The following PHF21B variants were observed in gnomAD, a reference collection of about 807,000 sequenced individuals.
The protein encoded by PHF21B is PHD finger protein 4.
Under a neutral mutation model 62.2 loss-of-function variants are expected in PHF21B, and 22 were observed. The observed-to-expected ratio is 0.35, with a 90% CI of 0.25 to 0.51. The LOEUF is 0.51. PHF21B is among the 20% of genes least tolerant of loss of function. The pLI, the probability that PHF21B is intolerant of heterozygous loss-of-function variation, is 0.97. For missense variants in PHF21B, 701 were observed against 707.9 expected (o/e 0.99, Z 0.11); for synonymous variants, 341 against 314.7 (o/e 1.08, Z -0.88).
intron 5 of PHF21B, among the ~76,000 whole-genome samples, chr22:44,912,706 T>C (rs2071363491): frequency 1.3e-5 from 2 of 151,798 alleles, no homozygotes; most frequent in African/African-American, 4.8e-5. Context: ...TAATACACCC[T>C]GTCTCTACAA....
chr22:44,893,256 C>T (rs1252558406), intron 7 of PHF21B, among the ~76,000 whole-genome samples: 1 of 152,246 alleles, frequency 6.6e-6, no homozygotes, highest in South Asian at 2.1e-4. Flanking sequence ...ATCTCCTCTT[C>T]CGCATCTTCC....
At chr22:44,943,522 C>G (rs559342072) in intron 2 of PHF21B, among the ~76,000 whole-genome samples, 2 of 152,304 alleles carry the variant, frequency 1.3e-5, no homozygotes, top group African/African-American at 4.8e-5. Context: ...TCAGCTACAT[C>G]TCCGTCTCCT....
intron 2 of PHF21B, among the ~76,000 whole-genome samples, chr22:44,942,931 G>T (rs2071987623): frequency 6.6e-6 from 1 of 152,052 alleles, no homozygotes; most frequent in Non-Finnish European, 1.5e-5. Context: ...GAAGAAAGGG[G>T]GATTCAGAGC....
At chr22:44,989,135 T>C (rs2073002007) in intron 2 of PHF21B, 3 of 152,152 alleles carry the variant, frequency 2.0e-5, no homozygotes, top group Admixed American at 6.5e-5. Context: ...CCGCAGCCCA[T>C]GGCAGGCTGG....
chr22:45,005,329 A>G (rs894172347), intron 2 of PHF21B, among the ~76,000 whole-genome samples: 7 of 151,896 alleles, frequency 4.6e-5, no homozygotes, highest in Non-Finnish European at 7.4e-5. Context: ...CCTGGCCACA[A>G]CTCATCAGCT....
intron 2 of PHF21B, among the ~76,000 whole-genome samples, chr22:44,990,415 G>A (rs1174098484): frequency 9.2e-6 from 1 of 108,604 alleles, no homozygotes; most frequent in African/African-American, 3.3e-5. Flanking sequence ...CAAGGCAAAC[G>A]TGCATTGACG....
rs139809415 is a variant in PHF21B at position 44,980,481 on chromosome 22, C to T, written c.120+28064G>A. Among the ~76,000 whole-genome samples, 8 of 152,294 alleles carry T rather than the reference C, an allele frequency of 5.3e-5. No individual in the cohort carries two copies. In the East Asian group the frequency reaches 1.5e-3, roughly 29 times the overall value. ...TGCAGACCTTGGAGGCCCAGGGATGCAGCACAGGCCACATCTCAGGGACAG... is the reference window on the plus strand; with the variant it reads ...TGCAGACCTTGGAGGCCCAGGGATGTAGCACAGGCCACATCTCAGGGACAG... On this transcript the variant is annotated intron_variant, in intron 2 of 12. Coordinates refer to ENST00000313237, the MANE Select transcript of PHF21B (RefSeq NM_138415.5).
chr22:44,984,786 T>C (rs2072917364), intron 2 of PHF21B, among the ~76,000 whole-genome samples: 1 of 152,248 alleles, frequency 6.6e-6, no homozygotes, highest in South Asian at 2.1e-4. Context: ...CTATTCCTGT[T>C]ATTTCCTTCC....
chr22:44,917,338 C>T (rs1200350373), intron 3 of PHF21B, among the ~76,000 whole-genome samples: 1 of 152,118 alleles, frequency 6.6e-6, no homozygotes, highest in Non-Finnish European at 1.5e-5. Context: ...AGAAAATGCA[C>T]AGGAAGTGCT....
intron 3 of PHF21B, among the ~76,000 whole-genome samples, chr22:44,919,668 G>C (rs2071499889): frequency 6.6e-6 from 1 of 152,250 alleles, no homozygotes; most frequent in African/African-American, 2.4e-5. Context: ...GGCCCAGTAT[G>C]CTATATACAG....
intron 4 of PHF21B, among the ~76,000 whole-genome samples, chr22:44,914,942 CAAG>C (rs1300550624): frequency 1.3e-5 from 2 of 152,178 alleles, no homozygotes; most frequent in South Asian, 4.1e-4. Flanking sequence ...TTCACGGCTC[CAAG>C]AAGAAGAATT....
At chr22:44,942,308 G>C (rs2071973976) in intron 2 of PHF21B, among the ~76,000 whole-genome samples, 1 of 152,152 alleles carries the variant, frequency 6.6e-6, no homozygotes, top group Admixed American at 6.5e-5. Context: ...GATGGGCTCT[G>C]CCAGATTCCT....
chr22:44,992,032 C>A (rs1024734222), intron 2 of PHF21B, among the ~76,000 whole-genome samples: 1 of 152,224 alleles, frequency 6.6e-6, no homozygotes, highest in African/African-American at 2.4e-5. Flanking sequence ...TCGGGTCTCA[C>A]CCCAGATGCA....
rs994759208 is a variant in PHF21B, at chr22:44,882,202, T to A, written c.*884A>T. 1 of 152,554 alleles carries A rather than the reference T, an allele frequency of 6.6e-6. No individual in the cohort carries two copies. The highest frequency in any genetic ancestry group is 2.4e-5 in the African/African-American group (1 of 41,384). The allele number at this position is 152,554 out of a possible 1,614,324, so 9.5% of individuals were successfully genotyped here. A position where few individuals can be genotyped will look rare whatever the true frequency, so the allele number is the denominator to read the frequency against. On this transcript the variant is annotated 3_prime_UTR_variant, in exon 13 of 13. Coordinates refer to ENST00000313237, the MANE Select transcript of PHF21B (RefSeq NM_138415.5). The stretch of plus-strand genomic sequence containing the variant: ...CAAAGGAGACAAGAAAGGGCTTCAG[T>A]CGTTAAGTTGAATGATTCAACCCCA...
chr22:45,003,968 CACACACACACATACATATAT>C, intron 2 of PHF21B, among the ~76,000 whole-genome samples: 1 of 151,898 alleles, frequency 6.6e-6, no homozygotes, highest in South Asian at 2.1e-4. Flanking sequence ...TCATTTTATA[CACACACACACATACATATAT>C]ACACACACAC....
At chr22:44,961,104 G>A (rs567171926) in intron 2 of PHF21B, among the ~76,000 whole-genome samples, 5 of 151,590 alleles carry the variant, frequency 3.3e-5, no homozygotes, top group East Asian at 2.0e-4. Flanking sequence ...TTACAGGTAC[G>A]CGCCACCACA....
chr22:44,996,920 A>C (rs898650416), intron 2 of PHF21B, among the ~76,000 whole-genome samples: 1 of 152,078 alleles, frequency 6.6e-6, no homozygotes, highest in African/African-American at 2.4e-5. Flanking sequence ...GCATACACAC[A>C]TGCACACACA....
chr22:44,900,274 A>G (rs1384758249), intron 5 of PHF21B, among the ~76,000 whole-genome samples: 2 of 152,200 alleles, frequency 1.3e-5, no homozygotes, highest in East Asian at 3.8e-4. Flanking sequence ...GGTCTCCAGC[A>G]GTTTCTCATA....
intron 2 of PHF21B, among the ~76,000 whole-genome samples, chr22:44,973,796 G>A (rs1384863894): frequency 6.6e-6 from 1 of 152,184 alleles, no homozygotes; most frequent in Non-Finnish European, 1.5e-5. Context: ...TGTGGCTCTT[G>A]TCCCCAGAAG....
Sources: gnomAD v4.1 joint callset for allele counts (sites outside exome capture counted in the v4.1 genomes callset) on GRCh38, gnomAD v4.1.1 for gene constraint, MANE v1.5 for transcripts, NCBI Gene and HGNC (gene_info 2026-07-23, HGNC 2026-07-21) for gene names.